Variants in SWT1 observed in about 807,000 individuals in gnomAD.
SWT1 encodes SWT1 RNA endoribonuclease homolog, also known as transcriptional protein SWT1.
Under a neutral mutation model 107.3 loss-of-function variants are expected in SWT1, and 33 were observed. The ratio of observed to expected loss-of-function variants is 0.31; its 90% CI spans 0.23 to 0.41. SWT1 has a LOEUF of 0.41. Ranked by LOEUF, SWT1 falls within the 10% of genes least tolerant of loss-of-function variation. The probability of loss-of-function intolerance (pLI) is 1.00; values close to 1 mark genes in which losing one functional copy is unlikely to be tolerated. For synonymous variants in SWT1, 345 were observed against 348.3 expected, an observed-to-expected ratio of 0.99 and a Z score of 0.11; for missense variants, 898 against 1,028.9, an observed-to-expected ratio of 0.87 and a Z score of 1.74.
At chr1:185,158,298 T>G (rs1374809935) in intron 1 of SWT1, among the ~76,000 whole-genome samples, 1 of 151,976 alleles carries the variant, frequency 6.6e-6, no homozygotes, top group Non-Finnish European at 1.5e-5. Context: ...CTCTCCCCAG[T>G]TTAATGGGAA....
intron 17 of SWT1, among the ~76,000 whole-genome samples, chr1:185,272,583 A>G (rs1300104941): frequency 6.6e-6 from 1 of 152,216 alleles, no homozygotes; most frequent in Non-Finnish European, 1.5e-5. Flanking sequence ...TGGTTCTTCT[A>G]CTTATTAACT....
intron 16 of SWT1, among the ~76,000 whole-genome samples, chr1:185,257,570 T>C (rs1662679253): frequency 6.6e-6 from 1 of 152,202 alleles, no homozygotes; most frequent in South Asian, 2.1e-4. Flanking sequence ...CCCCTTTCTT[T>C]GACTCGGAAA....
chr1:185,209,378 C>T (rs955299460), intron 13 of SWT1, among the ~76,000 whole-genome samples: 16 of 152,094 alleles, frequency 1.1e-4, no homozygotes, highest in Admixed American at 1.0e-3. Flanking sequence ...TTCTGTAGTC[C>T]CCCACCCCCT....
chr1:185,177,477 G>C (rs1655664772), intron 5 of SWT1, among the ~76,000 whole-genome samples: 1 of 152,170 alleles, frequency 6.6e-6, no homozygotes, highest in East Asian at 1.9e-4. Flanking sequence ...TTTATAAACT[G>C]TTCTCAGATA....
chr1:185,275,551 AT>A (rs1265825224), intron 17 of SWT1, among the ~76,000 whole-genome samples: 1 of 150,824 alleles, frequency 6.6e-6, no homozygotes, highest in Non-Finnish European at 1.5e-5. Context: ...TATATATATA[AT>A]TTTTCTTTTT....
At chr1:185,213,283 G>A (rs1658970259) in intron 13 of SWT1, among the ~76,000 whole-genome samples, 1 of 152,160 alleles carries the variant, frequency 6.6e-6, no homozygotes, top group Non-Finnish European at 1.5e-5. Context: ...TCTACAGTCT[G>A]TCCTGTGTGT....
At chr1:185,158,387 T>C (rs1653826069) in intron 1 of SWT1, among the ~76,000 whole-genome samples, 1 of 151,908 alleles carries the variant, frequency 6.6e-6, no homozygotes. Flanking sequence ...TTTTATCTAG[T>C]ATTCCTGAAT....
intron 17 of SWT1, 67 bp downstream of exon 17, chr1:185,271,456 GAGT>G: frequency 1.2e-6 from 1 of 800,214 alleles, no homozygotes; most frequent in South Asian, 1.6e-5. Context: ...TAAATAAACA[GAGT>G]AGGAGTTCTC....
At position 185,244,910 on chromosome 1, in the gene SWT1, G is replaced by A. The variant is rs79403277; in HGVS notation, c.2441+13202G>A. ...AGTCTAGGCAACATAGTGAGACACC[G>A]TCTCTGCAAAAAAATAAAATTAGCT... On this transcript the variant is annotated intron_variant, in intron 16 of 18. Transcript: ENST00000367500. Among the ~76,000 whole-genome samples the A allele has an allele frequency of 5.5e-3, 835 of 152,036 alleles. 34 individuals are homozygous for A. In the East Asian group the frequency reaches 0.093, roughly 17 times the overall value.
intron 16 of SWT1, among the ~76,000 whole-genome samples, chr1:185,269,701 C>T (rs765765053): frequency 6.6e-6 from 1 of 152,052 alleles, no homozygotes; most frequent in African/African-American, 2.4e-5. Context: ...AAAAGTTAAC[C>T]GAAGTGGCTT....
intron 7 of SWT1, among the ~76,000 whole-genome samples, chr1:185,183,394 A>C (rs1329224636): frequency 1.3e-5 from 2 of 151,850 alleles, no homozygotes; most frequent in African/African-American, 4.8e-5. Context: ...AGGTTCAAGC[A>C]ATTCTCCTGC....
At chr1:185,181,194 G>T (rs992611897) in intron 6 of SWT1, among the ~76,000 whole-genome samples, 1 of 152,162 alleles carries the variant, frequency 6.6e-6, no homozygotes, top group African/African-American at 2.4e-5. Flanking sequence ...CTGGAGCCCG[G>T]GAGATGGAGG....
chr1:185,197,536 C>T (rs1190270436), intron 10 of SWT1, among the ~76,000 whole-genome samples: 1 of 152,134 alleles, frequency 6.6e-6, no homozygotes, highest in African/African-American at 2.4e-5. Flanking sequence ...GGAATGGTGC[C>T]AGCTTCTCTT....
At chr1:185,202,906 A>T (rs974844848) in intron 11 of SWT1, 107 bp downstream of exon 11, 1 of 579,808 alleles carries the variant, frequency 1.7e-6, no homozygotes, top group Non-Finnish European at 2.7e-6. Flanking sequence ...ATTTAAAATA[A>T]CATCGTTTGG....
chr1:185,219,248 A>G (rs561749534), intron 14 of SWT1, among the ~76,000 whole-genome samples: 82 of 152,290 alleles, frequency 5.4e-4, no homozygotes, highest in African/African-American at 1.8e-3. Context: ...CTGAAGGTCA[A>G]ATCCTGTTCA....
rs1658179452 is a variant in SWT1, at chr1:185,204,802, C to G, written c.1772C>G (p.Thr591Arg). The G allele has an allele frequency of 1.3e-6, 2 of 1,592,262 alleles. No homozygotes were observed. The highest frequency in any genetic ancestry group is 1.1e-5 in the South Asian group (1 of 87,734). Reference protein sequence around the residue: ...IVSDLEKSLGTGLSSILETEM... With the variant: ...IVSDLEKSLGRGLSSILETEM... ...TCTGATCTTGAAAAATCTCTTGGAA[C>G]AGGTTTATCTTCAATATTAGAAACA... Residue 591 changes from threonine to arginine, a missense_variant, in exon 12 of 19, where the codon ACA (threonine) becomes AGA (arginine). Around this residue, in one of 6 missense-constraint regions of SWT1, gnomAD observed 382 missense variants for 460.0 expected, o/e 0.83. Transcript: ENST00000367500.
chr1:185,190,708 A>T, intron 10 of SWT1, 66 bp downstream of exon 10: 1 of 997,900 alleles, frequency 1.0e-6, no homozygotes, highest in Non-Finnish European at 1.5e-6. Flanking sequence ...AAAAAATCAT[A>T]TGGTATCCAG....
Position 185,219,488 on chromosome 1 carries a change from T to C in SWT1, c.2122-2361T>C, listed in dbSNP as rs1159527747. 3.9e-5 allele frequency among the ~76,000 whole-genome samples: 6 copies of C among 152,186 alleles called. No individual in the cohort carries two copies. In the East Asian group the frequency reaches 5.8e-4, roughly 15 times the overall value. ...TTTTATTTAAAAAAATTTTAATATG[T>C]ATGAAATTAGCAATCCATGAAGCTA... is the stretch of plus-strand genomic sequence containing the variant. On this transcript the variant is annotated intron_variant, in intron 14 of 18. Transcript: ENST00000367500.
intron 4 of SWT1, chr1:185,171,549 C>G (rs1655061957): frequency 2.4e-6 from 1 of 413,916 alleles, no homozygotes; most frequent in African/African-American, 2.1e-5. Flanking sequence ...AATGACATTC[C>G]TAGCTTTTCT....
Sources: gnomAD v4.1 joint callset for allele counts (sites outside exome capture counted in the v4.1 genomes callset) on GRCh38, gnomAD v4.1.1 for gene constraint, gnomAD v4.1.1 regional missense constraint, MANE v1.5 for transcripts, NCBI Gene and HGNC (gene_info 2026-07-23, HGNC 2026-07-21) for gene names.